The following STK36 variants were observed in gnomAD, a reference collection of about 807,000 sequenced individuals.
The protein encoded by STK36 is serine/threonine kinase 36, also known as serine/threonine-protein kinase 36.
A neutral mutation model predicts 142.2 loss-of-function variants in STK36; 116 were observed. The observed-to-expected ratio is 0.82, with a 90% CI of 0.70 to 0.95. The LOEUF is 0.95. Among genes scored for constraint, STK36 ranks in the 40% least tolerant of loss-of-function variants. The probability of loss-of-function intolerance (pLI) is 0.00; values close to 1 mark genes in which losing one functional copy is unlikely to be tolerated. For missense variants in STK36, 1,422 were observed against 1,617.2 expected (o/e 0.88, Z 2.07); for synonymous variants, 619 against 641.7 (o/e 0.96, Z 0.53).
Position 218,698,980 on chromosome 2 carries a change from G to A in STK36, c.3436G>A (p.Ala1146Thr), listed in dbSNP as rs1354189911. The part of the protein sequence containing the change: ...LLQHSMALRG[A>T]LQSQSGLLSL... Reference sequence around the variant, plus strand: ...CCAACACAGCATGGCCCTGCGTGGGGCACTGCAGAGCCAGTCTGGACTGCT... The same window carrying A: ...CCAACACAGCATGGCCCTGCGTGGGACACTGCAGAGCCAGTCTGGACTGCT... The change falls in exon 26 of 27, where the codon GCA (alanine) becomes ACA (threonine). Residue 1146 changes from alanine (A) to threonine (T), a missense_variant. By Grantham distance (58) the Ala-to-Thr change is moderately conservative. This residue lies in a region of STK36 where 962 missense variants were observed against 1,167.5 expected (regional missense o/e 0.82). Transcript: ENST00000295709. 3 of 1,614,148 alleles carry A rather than the reference G, an allele frequency of 1.9e-6. No individual in the cohort carries two copies. Among genetic ancestry groups the A allele is most frequent in the Non-Finnish European group, 2.5e-6 (3 of 1,180,024 alleles).
At chr2:218,699,510 C>T (rs1226222498) in intron 26 of STK36, among the ~76,000 whole-genome samples, 162 bp downstream of exon 26, 3 of 152,144 alleles carry the variant, frequency 2.0e-5, no homozygotes, top group Non-Finnish European at 1.5e-5. Context: ...GTTACATCTC[C>T]TGCCTTGGAG....
chr2:218,674,017 T>G (rs2106341811), intron 4 of STK36, 61 bp downstream of exon 4: 1 of 1,508,612 alleles, frequency 6.6e-7, no homozygotes, highest in East Asian at 2.4e-5. Flanking sequence ...AGAGAACTGG[T>G]AGAGCAAGCT....
chr2:218,696,487 C>T, intron 21 of STK36, 40 bp from the exon 22 acceptor site: 1 of 1,588,398 alleles, frequency 6.3e-7, no homozygotes, highest in Non-Finnish European at 8.6e-7. Flanking sequence ...ACACCCCATT[C>T]CTCTTAGGCA....
rs745922452 is a variant in STK36 at position 218,694,377 on chromosome 2, C to T, written c.2400+50C>T. On this transcript the variant is annotated intron_variant, in intron 20 of 26. Coordinates refer to ENST00000295709, the MANE Select transcript of STK36 (RefSeq NM_015690.5). This position sits in a 1 kb window ranked among gnomAD's most constrained non-coding sequence, Gnocchi z 4.4. ...TCCCCTTTTCACCCTAGCATCTACC[C>T]CTTGTGGAAGTGGGGGAGTCACTAT... 1 of 1,573,016 alleles carries T rather than the reference C, an allele frequency of 6.4e-7. No individual in the cohort carries two copies. Among genetic ancestry groups the T allele is most frequent in the East Asian group, 2.2e-5 (1 of 44,686 alleles).
intron 6 of STK36, 130 bp downstream of exon 6, chr2:218,676,408 T>C (rs1940248892): frequency 2.2e-5 from 28 of 1,265,474 alleles, no homozygotes; most frequent in Admixed American, 4.9e-5. Context: ...GGCTGTGTTA[T>C]TCTGTTCTCG....
At chr2:218,696,964 G>A (rs866556758) in intron 22 of STK36, 75 bp from the exon 23 acceptor site, 4 of 1,583,908 alleles carry the variant, frequency 2.5e-6, no homozygotes, top group Middle Eastern at 3.3e-4. Flanking sequence ...TGTAAGTCAG[G>A]GACAGGAATG....
intron 6 of STK36, among the ~76,000 whole-genome samples, chr2:218,677,607 G>C (rs1940314483): frequency 6.6e-6 from 1 of 152,122 alleles, no homozygotes; most frequent in Admixed American, 6.5e-5. Context: ...CTTACTTCCT[G>C]TCAGATGCTA....
rs183353573 is a variant in STK36 at position 218,676,373 on chromosome 2, G to A, written c.684+95G>A. 830 of 1,489,246 alleles carry A rather than the reference G, an allele frequency of 5.6e-4. 7 individuals are homozygous for A. In the African/African-American group the frequency reaches 9.9e-3, roughly 18 times the overall value. 92.3% of individuals were successfully genotyped at this position (1,489,246 alleles called of 1,614,324 possible). A position where few individuals can be genotyped will look rare whatever the true frequency, so the allele number is the denominator to read the frequency against. Reference sequence around the variant, plus strand: ...CCAAATCCTTTTCCAGAGCTGAGGCGGGACTTTGCAGTTACTGAATTAATG... The same window carrying A: ...CCAAATCCTTTTCCAGAGCTGAGGCAGGACTTTGCAGTTACTGAATTAATG... On this transcript the variant is annotated intron_variant, in intron 6 of 26. Coordinates refer to ENST00000295709, the MANE Select transcript of STK36 (RefSeq NM_015690.5).
At position 218,692,700 on chromosome 2, in the gene STK36, C is replaced by A; in HGVS notation, c.2033C>A (p.Ala678Asp). ...GTGGGACTGCCCGACTGCTGGGATG[C>A]CAAGGAGCAGGTCCGAGCTACAATT... ...APVGLPDCWDAKEQVCWHLAN... is the reference protein window; with the variant it reads ...APVGLPDCWDDKEQVCWHLAN... Residue 678 changes from alanine (A) to aspartate (D), a missense_variant, in exon 16 of 27, where the codon GCC becomes GAC. Coordinates refer to ENST00000295709, the MANE Select transcript of STK36 (RefSeq NM_015690.5). The A allele has an allele frequency of 6.2e-7, 1 of 1,612,622 alleles. No homozygotes were observed.
chr2:218,686,865 C>A (rs1289333685), intron 11 of STK36, among the ~76,000 whole-genome samples: 1 of 152,164 alleles, frequency 6.6e-6, no homozygotes, highest in Non-Finnish European at 1.5e-5. Flanking sequence ...GTGGCTGTAC[C>A]ATTTTACATT....
At chr2:218,690,095 C>T in intron 13 of STK36, 139 bp downstream of exon 13, 2 of 814,766 alleles carry the variant, frequency 2.5e-6, no homozygotes, top group Non-Finnish European at 3.9e-6. Flanking sequence ...AGTGGCCACT[C>T]ATAGTCCTTT....
intron 6 of STK36, among the ~76,000 whole-genome samples, chr2:218,676,480 C>A (rs762780941): frequency 1.9e-4 from 29 of 152,026 alleles, no homozygotes; most frequent in Non-Finnish European, 3.4e-4. Flanking sequence ...TTAATTGGCT[C>A]ACAGCTCCAT....
At position 218,693,975 on chromosome 2, in the gene STK36, G is replaced by A. The variant is rs55744350; in HGVS notation, c.2328G>A (p.Leu776=). 1,907 of 1,614,240 alleles carry A rather than the reference G, an allele frequency of 1.2e-3. 45 individuals carry two copies. The East Asian group carries it at 0.04, about 34-fold the overall frequency. ...TTCTTGTCTTTCGGCTCCAAAACCT[G>A]CCTTGTGGGTAAGTCATAAAGTAGG... ...LSLLVFRLQN[L]PCGMEKLGSD... Residue 776 remains leucine, a synonymous_variant, in exon 19 of 27, where the codon CTG becomes CTA. Coordinates refer to ENST00000295709, the MANE Select transcript of STK36 (RefSeq NM_015690.5).
intron 10 of STK36, among the ~76,000 whole-genome samples, chr2:218,681,843 A>G (rs551293789): frequency 7.2e-5 from 11 of 152,368 alleles, no homozygotes; most frequent in Admixed American, 6.5e-4. Flanking sequence ...GCTGCCTCCT[A>G]ACACTGGTGC....
rs913683865 is a variant in STK36, at chr2:218,675,407, A to G, written c.368A>G (p.His123Arg). The G allele has an allele frequency of 1.2e-6, 2 of 1,613,036 alleles. No individual in the cohort carries two copies. Among genetic ancestry groups the G allele is most frequent in the African/African-American group, 1.3e-5 (1 of 74,742 alleles). ...LYYLHSHRIL[H>R]RDMKPQNILL... ...TATCTGCATTCCCACCGCATCCTAC[A>G]CCGAGATATGAAGCCTCAGAACATC... Residue 123 changes from histidine (H) to arginine (R), a missense_variant, in exon 5 of 27, where the codon CAC (histidine) becomes CGC (arginine). By Grantham distance (29) the His-to-Arg change is conservative. Transcript: ENST00000295709.
In STK36 at chr2:218,702,206, TA is replaced by T. The variant is rs1941468652; in HGVS notation, c.*200del. The T allele has an allele frequency of 1.5e-5, 9 of 591,894 alleles. No homozygotes were observed. The South Asian group carries it at 3.2e-4, about 21-fold the overall frequency. The allele number at this position is 591,894 out of a possible 1,614,324, so 36.7% of individuals were successfully genotyped here. A position where few individuals can be genotyped will look rare whatever the true frequency, so the allele number is the denominator to read the frequency against. The stretch of plus-strand genomic sequence containing the variant: ...CCAGATGCAGGATGTTTTCAACCAG[TA>T]AATTTTATTGCTGTTGGTGCCAGAG... On this transcript the variant is annotated 3_prime_UTR_variant, in exon 27 of 27. Transcript: ENST00000295709.
chr2:218,690,617 CCT>C, intron 14 of STK36, 62 bp downstream of exon 14: 1 of 1,328,876 alleles, frequency 7.5e-7, no homozygotes, highest in Non-Finnish European at 1.1e-6. Flanking sequence ...TCTCCCATCC[CCT>C]TTCTTATGAC....
At chr2:218,674,454 C>T (rs1305524452) in intron 4 of STK36, among the ~76,000 whole-genome samples, 2 of 152,182 alleles carry the variant, frequency 1.3e-5, no homozygotes, top group Non-Finnish European at 2.9e-5. Flanking sequence ...TTTTGTTGCA[C>T]ATATCCTCCA....
At position 218,702,663 on chromosome 2, in the gene STK36, C is replaced by T. The variant is rs2106370717; in HGVS notation, c.*654C>T. ...CAGGACAAGGGTTGAGAGGCTCAACCCCTCTTTCAGCTTCTATGTGGTGTT... is the reference window on the plus strand; with the variant it reads ...CAGGACAAGGGTTGAGAGGCTCAACTCCTCTTTCAGCTTCTATGTGGTGTT... On this transcript the variant is annotated 3_prime_UTR_variant, in exon 27 of 27. Transcript: ENST00000295709. 1 of 152,212 alleles carries T rather than the reference C, an allele frequency of 6.6e-6. No individual in the cohort carries two copies. Among genetic ancestry groups the T allele is most frequent in the South Asian group, 2.1e-4 (1 of 4,814 alleles). 9.4% of individuals were successfully genotyped at this position (152,212 alleles called of 1,614,324 possible). A position where few individuals can be genotyped will look rare whatever the true frequency, so the allele number is the denominator to read the frequency against.
Sources: gnomAD v4.1 joint callset for allele counts (sites outside exome capture counted in the v4.1 genomes callset) on GRCh38, gnomAD v4.1.1 for gene constraint, gnomAD v4.1.1 regional missense constraint, Gnocchi (gnomAD v3.1) non-coding constraint, MANE v1.5 for transcripts, NCBI Gene and HGNC (gene_info 2026-07-23, HGNC 2026-07-21) for gene names.